The following NAV2 variants were observed in gnomAD, a reference collection of about 807,000 sequenced individuals.
NAV2 encodes the protein neuron navigator 2.
In NAV2, 54 loss-of-function variants were observed where a neutral mutation model predicts 223.2. The ratio of observed to expected loss-of-function variants is 0.24; its 90% CI spans 0.19 to 0.30. NAV2 has a LOEUF of 0.30. Among genes scored for constraint, NAV2 ranks in the 10% least tolerant of loss-of-function variants. The pLI is 1.00. For missense variants in NAV2, 2,806 were observed against 3,147.5 expected (o/e 0.89, Z 2.60); for synonymous variants, 1,279 against 1,239.3 (o/e 1.03, Z -0.67).
chr11:19,631,490 G>GT (rs766303962), intron 1 of NAV2, among the ~76,000 whole-genome samples: 13 of 152,160 alleles, frequency 8.5e-5, no homozygotes, highest in African/African-American at 1.9e-4. Flanking sequence ...CACAACAAGT[G>GT]TTTTTTTATG....
chr11:19,350,831 AT>A (rs1453603487), exon 1 of NAV2: 1 of 938,438 alleles, frequency 1.1e-6, no homozygotes, highest in Non-Finnish European at 1.7e-6. Context: ...GGTGGTGCTG[AT>A]TTCCTTGGCT....
intron 1 of NAV2, among the ~76,000 whole-genome samples, chr11:19,679,164 C>T (rs960626007): frequency 6.6e-5 from 10 of 152,220 alleles, no homozygotes. Context: ...GGTGCAGCGG[C>T]TCACGCCTGT....
intron 1 of NAV2, among the ~76,000 whole-genome samples, chr11:19,658,026 A>T (rs1018200546): frequency 6.6e-6 from 1 of 152,232 alleles, no homozygotes; most frequent in African/African-American, 2.4e-5. Flanking sequence ...ATACTATGTA[A>T]CAGACACTGT....
chr11:19,975,448 TTA>T (rs1266527038), intron 10 of NAV2, among the ~76,000 whole-genome samples: 1 of 152,230 alleles, frequency 6.6e-6, no homozygotes, highest in Admixed American at 6.5e-5. Flanking sequence ...CTCCTGGACT[TTA>T]TATACGTATA....
intron 1 of NAV2, among the ~76,000 whole-genome samples, chr11:19,790,784 G>A (rs565231924): frequency 2.6e-5 from 4 of 152,222 alleles, no homozygotes; most frequent in South Asian, 2.1e-4. Context: ...ACACCAAGTC[G>A]CTAACAGTTG....
intron 5 of NAV2, among the ~76,000 whole-genome samples, chr11:19,887,291 C>A (rs545672147): frequency 6.6e-6 from 1 of 152,198 alleles, no homozygotes; most frequent in East Asian, 1.9e-4. Flanking sequence ...GGTGAAAGCT[C>A]TCCATGGACT....
chr11:19,567,296 T>C lies in NAV2; in HGVS notation c.75+216269T>C, dbSNP rs181257882. Among the ~76,000 whole-genome samples, 393 of 152,300 alleles carry C rather than the reference T, an allele frequency of 2.6e-3. 3 individuals carry two copies. The highest frequency in any genetic ancestry group is 9.0e-3 in the African/African-American group (373 of 41,564). ...GGGTGAGGATTGGAGGCCAGGGCTG[T>C]GGAAGGGAAGTGTAGTTTGCATCCT... On this transcript the variant is annotated intron_variant, in intron 1 of 37. Coordinates refer to the NAV2 transcript ENST00000360655.
chr11:19,557,128 C>T (rs2044921121), intron 1 of NAV2, among the ~76,000 whole-genome samples: 1 of 152,180 alleles, frequency 6.6e-6, no homozygotes, highest in African/African-American at 2.4e-5. Flanking sequence ...TATTAGATCA[C>T]TGGATGATAA....
At chr11:20,087,797 G>A (rs906276051) in intron 26 of NAV2, among the ~76,000 whole-genome samples, 2 of 152,144 alleles carry the variant, frequency 1.3e-5, no homozygotes, top group African/African-American at 2.4e-5. Flanking sequence ...TTTACATGGT[G>A]CAGTCTTGGG....
intron 1 of NAV2, among the ~76,000 whole-genome samples, chr11:19,526,171 C>T (rs1466727420): frequency 6.6e-6 from 1 of 152,196 alleles, no homozygotes; most frequent in Non-Finnish European, 1.5e-5. Flanking sequence ...GCCATTACAG[C>T]TCCTCCTGGT....
At chr11:20,094,613 C>A (rs1237597628) in intron 29 of NAV2, among the ~76,000 whole-genome samples, 1 of 152,218 alleles carries the variant, frequency 6.6e-6, no homozygotes, top group African/African-American at 2.4e-5. Flanking sequence ...ATAGAGCATA[C>A]CTTTTACAAA....
intron 1 of NAV2, among the ~76,000 whole-genome samples, chr11:19,550,364 C>A (rs900155664): frequency 6.6e-6 from 1 of 152,230 alleles, no homozygotes; most frequent in Non-Finnish European, 1.5e-5. Flanking sequence ...TAAGCACATA[C>A]TGTGTACAGG....
At position 19,715,722 on chromosome 11, in the gene NAV2, G is replaced by A. The variant is rs116712336; in HGVS notation, c.267+1760G>A. 3.8e-3 allele frequency among the ~76,000 whole-genome samples: 583 copies of A among 152,284 alleles called. 4 individuals are homozygous for A. Among genetic ancestry groups the A allele is most frequent in the African/African-American group, 0.013 (551 of 41,570 alleles). ...AAAAAATGTTCTTCAGCTTCTCTCT[G>A]AGGGGCTGGAACAGTCCACTTCCCT... On this transcript the variant is annotated intron_variant, in intron 1 of 37. Coordinates refer to ENST00000349880, the MANE Select transcript of NAV2 (RefSeq NM_145117.5).
intron 3 of NAV2, among the ~76,000 whole-genome samples, chr11:19,859,313 G>A (rs1298418163): frequency 6.7e-6 from 1 of 149,950 alleles, no homozygotes; most frequent in African/African-American, 2.5e-5. Flanking sequence ...GTGTCCCTGG[G>A]TACTTGAGAT....
intron 4 of NAV2, among the ~76,000 whole-genome samples, chr11:19,875,441 G>T (rs538139456): frequency 6.6e-6 from 1 of 152,170 alleles, no homozygotes; most frequent in Non-Finnish European, 1.5e-5. Context: ...CAGAATGGCT[G>T]TATGGGTACT....
intron 1 of NAV2, among the ~76,000 whole-genome samples, chr11:19,732,218 C>G (rs965549712): frequency 2.6e-5 from 4 of 151,336 alleles, no homozygotes; most frequent in African/African-American, 7.3e-5. Context: ...GAAATCATGC[C>G]ACTGTACTCC....
At chr11:19,945,161 C>CTTT (rs1565615040) in intron 8 of NAV2, among the ~76,000 whole-genome samples, 20 of 14,194 alleles carry the variant, frequency 1.4e-3, no homozygotes, top group East Asian at 5.8e-3. Context: ...GTCTCCCTTC[C>CTTT]CTTCCCTTCC....
At chr11:19,430,738 G>T (rs118087330) in intron 1 of NAV2, among the ~76,000 whole-genome samples, 1 of 152,314 alleles carries the variant, frequency 6.6e-6, no homozygotes, top group Non-Finnish European at 1.5e-5. Context: ...CTGCCGTGTG[G>T]ATCAGTTGAC....
chr11:19,541,019 G>T (rs966929325), intron 1 of NAV2, among the ~76,000 whole-genome samples: 1 of 152,222 alleles, frequency 6.6e-6, no homozygotes, highest in Non-Finnish European at 1.5e-5. Flanking sequence ...AAAGAATCCT[G>T]TTAATGTTGC....
Sources: allele counts gnomAD v4.1 joint callset (sites outside exome capture counted in the v4.1 genomes callset), GRCh38; gene constraint gnomAD v4.1.1; transcripts MANE v1.5; gene names NCBI Gene and HGNC (gene_info 2026-07-23, HGNC 2026-07-21).